The following PRDX6 variants were observed in gnomAD, a reference collection of about 807,000 sequenced individuals.
The protein encoded by PRDX6 is peroxiredoxin-6.
A neutral mutation model predicts 20.0 loss-of-function variants in PRDX6; 13 were observed. That is an observed-to-expected ratio of 0.65 (90% CI 0.42 to 1.03). The LOEUF (loss-of-function observed/expected upper bound fraction) is 1.03. Ranked by LOEUF, PRDX6 falls within the 50% of genes least tolerant of loss-of-function variation. PRDX6 has a pLI of 0.00. For missense variants in PRDX6, 203 were observed against 276.9 expected, an observed-to-expected ratio of 0.73 and a Z score of 1.89; for synonymous variants, 85 against 100.8, an observed-to-expected ratio of 0.84 and a Z score of 0.94.
chr1:173,486,430 C>T, intron 4 of PRDX6, 29 bp downstream of exon 4: 1 of 1,589,244 alleles, frequency 6.3e-7, no homozygotes. Flanking sequence ...AGCAGTTTCT[C>T]TACTTGCCTG....
At chr1:173,484,168 T>TTA (rs1225304174) in intron 2 of PRDX6, among the ~76,000 whole-genome samples, 4 of 81,428 alleles carry the variant, frequency 4.9e-5, no homozygotes, top group Non-Finnish European at 9.3e-5. Context: ...ATATATATAT[T>TTA]TATATATATA....
chr1:173,484,336 A>G (rs1658861771), intron 2 of PRDX6, among the ~76,000 whole-genome samples: 2 of 151,580 alleles, frequency 1.3e-5, no homozygotes, highest in Non-Finnish European at 2.9e-5. Flanking sequence ...GGGCCTAGAT[A>G]GAAGTCCTGT....
At chr1:173,482,698 G>A (rs1658824567) in intron 2 of PRDX6, among the ~76,000 whole-genome samples, 1 of 152,182 alleles carries the variant, frequency 6.6e-6, no homozygotes, top group Non-Finnish European at 1.5e-5. Flanking sequence ...TGAGTTAGGG[G>A]TCTGTGGCTG....
chr1:173,486,770 T>G (rs1658909176), intron 4 of PRDX6, among the ~76,000 whole-genome samples: 1 of 152,238 alleles, frequency 6.6e-6, no homozygotes, highest in Admixed American at 6.5e-5. Context: ...GTAAAAGTAC[T>G]GGTGTATTAA....
In PRDX6 at chr1:173,487,958, C is replaced by T. The variant is rs2101860835; in HGVS notation, c.*95C>T. The T allele has an allele frequency of 1.4e-5, 21 of 1,505,120 alleles. No individual in the cohort carries two copies. The South Asian group carries it at 2.6e-4, about 19-fold the overall frequency. The allele number at this position is 1,505,120 out of a possible 1,614,324, so 93.2% of individuals were successfully genotyped here. On this transcript the variant is annotated 3_prime_UTR_variant, in exon 5 of 5. Coordinates refer to ENST00000340385, the MANE Select transcript of PRDX6 (RefSeq NM_004905.3). ...CCATAAACACATCCTGGTGTCATCA[C>T]AGCCAAGGTTTTTAGGTTGCTATAC... is the stretch of plus-strand genomic sequence containing the variant.
At position 173,485,364 on chromosome 1, in the gene PRDX6, A is replaced by G. The variant is rs1307590545; in HGVS notation, c.256A>G (p.Ile86Val). The G allele has an allele frequency of 3.2e-6, 5 of 1,584,780 alleles. No individual in the cohort carries two copies. The highest frequency in any genetic ancestry group is 4.3e-6 in the Non-Finnish European group (5 of 1,163,562). ...TCCCCTTTTACTTGTGTTTCAGGAT[A>G]TCAATGCTTACAATTGTGAAGAGCC... The part of the protein sequence containing the change: ...VEDHLAWSKD[I>V]NAYNCEEPTE... Residue 86 changes from isoleucine to valine, a missense_variant, in exon 3 of 5, where the codon ATC becomes GTC. Ile to Val is a conservative substitution (Grantham distance 29). Transcript: ENST00000340385.
intron 4 of PRDX6, among the ~76,000 whole-genome samples, chr1:173,486,665 A>G (rs1658904470): frequency 6.6e-6 from 1 of 152,232 alleles, no homozygotes; most frequent in Non-Finnish European, 1.5e-5. Context: ...TTTTCCTAAT[A>G]GAAGGTTTAA....
intron 3 of PRDX6, among the ~76,000 whole-genome samples, chr1:173,486,029 A>G (rs935512494): frequency 2.6e-5 from 4 of 152,222 alleles, no homozygotes; most frequent in Admixed American, 6.5e-5. Flanking sequence ...TCTTACTGGG[A>G]AAGCCAGAAC....
chr1:173,487,882 T>C lies in PRDX6; in HGVS notation c.*19T>C, dbSNP rs575053538. 3.1e-6 allele frequency: 5 copies of C among 1,611,612 alleles called. No homozygotes were observed. The African/African-American group carries it at 5.3e-5, about 17-fold the overall frequency. On this transcript the variant is annotated 3_prime_UTR_variant, in exon 5 of 5. Transcript: ENST00000340385. Reference sequence around the variant, plus strand: ...GCCTTAAGTCTCTTGGAGAAGCTGGTGCTGTGAGCCAGAGGATGTCAGCTG... The same window carrying C: ...GCCTTAAGTCTCTTGGAGAAGCTGGCGCTGTGAGCCAGAGGATGTCAGCTG...
intron 1 of PRDX6, among the ~76,000 whole-genome samples, 173 bp downstream of exon 1, chr1:173,477,665 G>T (rs1371877111): frequency 6.6e-6 from 1 of 152,194 alleles, no homozygotes; most frequent in Non-Finnish European, 1.5e-5. Flanking sequence ...GCTCAGCGTC[G>T]GCTGCGCTGC....
intron 3 of PRDX6, 43 bp from the exon 4 acceptor site, chr1:173,486,212 A>C (rs1171170585): frequency 6.6e-7 from 1 of 1,514,370 alleles, no homozygotes; most frequent in South Asian, 1.3e-5. Context: ...CTTTAATAAC[A>C]CTCAAAGAAC....
intron 2 of PRDX6, among the ~76,000 whole-genome samples, chr1:173,482,611 A>G (rs1052259003): frequency 5.3e-5 from 8 of 152,246 alleles, no homozygotes; most frequent in Admixed American, 3.9e-4. Context: ...GTTAAGTAAT[A>G]ATGATAACTA....
At chr1:173,485,280 C>A in intron 2 of PRDX6, 81 bp from the exon 3 acceptor site, 2 of 1,353,810 alleles carry the variant, frequency 1.5e-6, no homozygotes, top group Non-Finnish European at 2.0e-6. Flanking sequence ...TCCTGTCTTG[C>A]AAGGTGATGG....
intron 4 of PRDX6, 102 bp from the exon 5 acceptor site, chr1:173,487,633 A>G: frequency 7.8e-7 from 1 of 1,277,574 alleles, no homozygotes; most frequent in Non-Finnish European, 1.1e-6. Context: ...ACACTTGATT[A>G]GTCTCATTAG....
chr1:173,477,390 C>G lies in PRDX6; in HGVS notation c.-8C>G. 2.5e-6 allele frequency: 4 copies of G among 1,603,634 alleles called. No homozygotes were observed. Among genetic ancestry groups the G allele is most frequent in the Non-Finnish European group, 3.4e-6 (4 of 1,175,094 alleles). On this transcript the variant is annotated 5_prime_UTR_variant, in exon 1 of 5. Transcript: ENST00000340385. ...CTGTCCCAGCGGCGCCCCCTCATCA[C>G]CGTCGCCATGCCCGGAGGTCTGCTT...
chr1:173,481,336 C>G lies in PRDX6; in HGVS notation c.106C>G (p.Leu36Val). The G allele has an allele frequency of 6.2e-7, 1 of 1,613,230 alleles. No homozygotes were observed. The highest frequency in any genetic ancestry group is 8.5e-7 in the Non-Finnish European group (1 of 1,179,334). The change falls in exon 2 of 5, where the codon CTC becomes GTC. Residue 36 changes from leucine (L) to valine (V), a missense_variant. Physicochemically the swap from Leu to Val is conservative, Grantham distance 32. Coordinates refer to ENST00000340385, the MANE Select transcript of PRDX6 (RefSeq NM_004905.3). The part of the protein sequence containing the change: ...HDFLGDSWGI[L>V]FSHPRDFTPV... ...TTTTCTTCCTTTCAGATGGGGCATTCTCTTCTCCCACCCTCGGGACTTTAC... is the reference window on the plus strand; with the variant it reads ...TTTTCTTCCTTTCAGATGGGGCATTGTCTTCTCCCACCCTCGGGACTTTAC...
chr1:173,486,430 C>A, intron 4 of PRDX6, 29 bp downstream of exon 4: 1 of 1,589,244 alleles, frequency 6.3e-7, no homozygotes, highest in South Asian at 1.2e-5. Context: ...AGCAGTTTCT[C>A]TACTTGCCTG....
chr1:173,484,232 C>T (rs1192949576), intron 2 of PRDX6, among the ~76,000 whole-genome samples: 1 of 145,650 alleles, frequency 6.9e-6, no homozygotes, highest in African/African-American at 2.6e-5. Context: ...AATATATATA[C>T]ACATATATAT....
chr1:173,486,150 C>A, intron 3 of PRDX6, 105 bp from the exon 4 acceptor site: 1 of 1,029,220 alleles, frequency 9.7e-7, no homozygotes, highest in Non-Finnish European at 1.3e-6. Flanking sequence ...TTGTTTTTGT[C>A]TTGTTTTTAT....
Sources: allele counts gnomAD v4.1 joint callset (sites outside exome capture counted in the v4.1 genomes callset), GRCh38; gene constraint gnomAD v4.1.1; transcripts MANE v1.5; gene names NCBI Gene and HGNC (gene_info 2026-07-23, HGNC 2026-07-21).